The following COL5A2 variants were observed in gnomAD, a reference collection of about 807,000 sequenced individuals.
COL5A2 encodes collagen type V alpha 2 chain.
Under a neutral mutation model 208.2 loss-of-function variants are expected in COL5A2, and 23 were observed. That is an observed-to-expected ratio of 0.11 (90% CI 0.08 to 0.16). COL5A2 has a LOEUF of 0.16. Ranked by LOEUF, COL5A2 falls within the 10% of genes least tolerant of loss-of-function variation. The pLI, the probability that COL5A2 is intolerant of heterozygous loss-of-function variation, is 1.00. For synonymous variants in COL5A2, 625 were observed against 628.5 expected (o/e 0.99, Z 0.08); for missense variants, 1,590 against 1,956.4 (o/e 0.81, Z 3.53).
the COL5A2 span, among the ~76,000 whole-genome samples, chr2:189,394,457 C>T: frequency 2.6e-5 from 4 of 152,140 alleles, no homozygotes; most frequent in Admixed American, 6.5e-5. Context: ...AAGGGATTAG[C>T]GCCCATCTAA....
In COL5A2 at chr2:189,072,166, T is replaced by C. The variant is rs902126123; in HGVS notation, c.1105-73A>G. 6 of 1,071,622 alleles carry C rather than the reference T, an allele frequency of 5.6e-6. No individual in the cohort carries two copies. The East Asian group carries it at 7.3e-5, about 13-fold the overall frequency. The allele number at this position is 1,071,622 out of a possible 1,614,324, so 66.4% of individuals were successfully genotyped here. On this transcript the variant is annotated intron_variant, in intron 17 of 53. Transcript: ENST00000374866. ...TCTAATTAGGTCATTTTTTAGAGTT[T>C]GGCGTCATTTTGTATTAGACACATA...
chr2:189,261,886 T>C, the COL5A2 span, among the ~76,000 whole-genome samples: 1 of 152,124 alleles, frequency 6.6e-6, no homozygotes, highest in African/African-American at 2.4e-5. Context: ...GAAGAAGAGG[T>C]AAGCTATTTC....
At chr2:189,402,245 G>C in the COL5A2 span, among the ~76,000 whole-genome samples, 3 of 152,116 alleles carry the variant, frequency 2.0e-5, no homozygotes, top group Admixed American at 2.0e-4. Context: ...TTGAGATGGA[G>C]TCTCGCTCTA....
At chr2:189,065,404 C>T (rs1686125491) in intron 23 of COL5A2, among the ~76,000 whole-genome samples, 1 of 152,034 alleles carries the variant, frequency 6.6e-6, no homozygotes, top group Non-Finnish European at 1.5e-5. Context: ...GTGGCAAGTG[C>T]CTGTATCCCA....
chr2:189,064,732 TTACAAATCAAGGCACTAATATAACA>T, intron 24 of COL5A2, 77 bp from the exon 25 acceptor site: 7 of 1,109,072 alleles, frequency 6.3e-6, no homozygotes, highest in Non-Finnish European at 9.7e-6. Flanking sequence ...AATTATCGTT[TTACAAATCAAGGCACTAATATAACA>T]TACAAATCAA....
chr2:189,380,169 AT>A, the COL5A2 span, among the ~76,000 whole-genome samples: 1 of 152,198 alleles, frequency 6.6e-6, no homozygotes, highest in Non-Finnish European at 1.5e-5. Flanking sequence ...TCAAAGATGA[AT>A]GGAATGGGAT....
chr2:189,316,784 C>CAAAA, the COL5A2 span, among the ~76,000 whole-genome samples: 1 of 136,870 alleles, frequency 7.3e-6, no homozygotes, highest in Non-Finnish European at 1.6e-5. Context: ...CACTTAAAAG[C>CAAAA]AAAAAAAAAA....
chr2:189,288,184 T>C, the COL5A2 span, among the ~76,000 whole-genome samples: 1 of 152,232 alleles, frequency 6.6e-6, no homozygotes, highest in Non-Finnish European at 1.5e-5. Context: ...TCTGCTTTCC[T>C]AGATCCTGAT....
intron 1 of COL5A2, among the ~76,000 whole-genome samples, chr2:189,177,055 T>TA: frequency 6.6e-6 from 1 of 152,144 alleles, no homozygotes; most frequent in Admixed American, 6.5e-5. Flanking sequence ...TTCTGGTAAA[T>TA]AACCACAGTC....
At chr2:189,289,322 C>T in the COL5A2 span, among the ~76,000 whole-genome samples, 5 of 151,542 alleles carry the variant, frequency 3.3e-5, no homozygotes, top group African/African-American at 1.2e-4. Flanking sequence ...GCCTGGGCAC[C>T]CGATCAAGAC....
chr2:189,186,074 G>A (rs1195931311), intron 1 of COL5A2, among the ~76,000 whole-genome samples: 1 of 151,668 alleles, frequency 6.6e-6, no homozygotes, highest in Non-Finnish European at 1.5e-5. Flanking sequence ...GCAGTAGCAC[G>A]ATCACAGCTT....
chr2:189,234,833 T>C, the COL5A2 span, among the ~76,000 whole-genome samples: 1 of 151,808 alleles, frequency 6.6e-6, no homozygotes, highest in Non-Finnish European at 1.5e-5. Context: ...GCATGATCTA[T>C]ATTAGTGCTA....
chr2:189,290,547 G>C, the COL5A2 span, among the ~76,000 whole-genome samples: 1 of 152,122 alleles, frequency 6.6e-6, no homozygotes, highest in South Asian at 2.1e-4. Flanking sequence ...AATAGAGCAA[G>C]AGTTATTTGA....
the COL5A2 span, among the ~76,000 whole-genome samples, chr2:189,242,365 C>A: frequency 2.6e-5 from 4 of 152,108 alleles, no homozygotes; most frequent in Non-Finnish European, 5.9e-5. Context: ...ATAAGGATAT[C>A]AAAGCTTAGA....
chr2:189,421,057 A>G, the COL5A2 span, among the ~76,000 whole-genome samples: 2 of 152,220 alleles, frequency 1.3e-5, no homozygotes. Flanking sequence ...TTATTTTAAA[A>G]AGAGAGTTGT....
the COL5A2 span, among the ~76,000 whole-genome samples, chr2:189,283,784 C>G: frequency 3.9e-5 from 6 of 152,038 alleles, no homozygotes; most frequent in East Asian, 1.9e-4. Context: ...AAACTACTAT[C>G]TTTACAAATC....
the COL5A2 span, among the ~76,000 whole-genome samples, chr2:189,251,699 G>A: frequency 1.3e-5 from 2 of 150,814 alleles, no homozygotes; most frequent in African/African-American, 2.4e-5. Flanking sequence ...ACATAGGCAT[G>A]GGCAAGGACT....
At chr2:189,237,403 C>CG in the COL5A2 span, among the ~76,000 whole-genome samples, 1 of 148,780 alleles carries the variant, frequency 6.7e-6, no homozygotes, top group Non-Finnish European at 1.5e-5. Flanking sequence ...ACAATAACAG[C>CG]AAAAAAAAAG....
the COL5A2 span, among the ~76,000 whole-genome samples, chr2:189,371,440 A>C: frequency 6.6e-6 from 1 of 152,190 alleles, no homozygotes; most frequent in Non-Finnish European, 1.5e-5. Context: ...GGAAGTTTGG[A>C]ACTTCTTAGA....
Sources: gnomAD v4.1 joint callset for allele counts (sites outside exome capture counted in the v4.1 genomes callset) on GRCh38, gnomAD v4.1.1 for gene constraint, MANE v1.5 for transcripts, NCBI Gene and HGNC (gene_info 2026-07-23, HGNC 2026-07-21) for gene names.